Variants in RNASEH2B observed in about 807,000 individuals in gnomAD.
RNASEH2B encodes ribonuclease H2 subunit B, also known as Aicardi-Goutieres syndrome 2 protein.
A neutral mutation model predicts 45.0 loss-of-function variants in RNASEH2B; 36 were observed. The ratio of observed to expected loss-of-function variants is 0.80; its 90% CI spans 0.61 to 1.06. The LOEUF (loss-of-function observed/expected upper bound fraction) is 1.06. Among genes scored for constraint, RNASEH2B ranks in the 50% least tolerant of loss-of-function variants. The pLI is 0.00. For missense variants in RNASEH2B, 361 were observed against 360.3 expected (o/e 1.00, Z -0.02); for synonymous variants, 119 against 125.7 (o/e 0.95, Z 0.35).
downstream of RNASEH2B, among the ~76,000 whole-genome samples, chr13:50,957,535 T>C (rs926995493): frequency 1.3e-5 from 2 of 152,220 alleles, no homozygotes; most frequent in Admixed American, 6.5e-5. Context: ...ATATCTTTGC[T>C]ATTGTAAGGA....
intron 4 of RNASEH2B, 169 bp from the exon 5 acceptor site, chr13:50,934,716 G>A: frequency 3.1e-6 from 2 of 641,304 alleles, no homozygotes; most frequent in East Asian, 5.5e-5. Context: ...CCTGAAGGGA[G>A]CTGGGGTCCG....
chr13:50,939,828 C>T (rs2137970464), intron 5 of RNASEH2B, among the ~76,000 whole-genome samples: 1 of 152,170 alleles, frequency 6.6e-6, no homozygotes, highest in South Asian at 2.1e-4. Context: ...TAGAAGAAAG[C>T]ATAGGATAAA....
intron 10 of RNASEH2B, chr13:50,954,323 G>A: frequency 2.1e-6 from 1 of 487,614 alleles, no homozygotes; most frequent in South Asian, 3.6e-5. Context: ...AAATTATGAT[G>A]ATAAAAATTA....
intron 5 of RNASEH2B, chr13:50,941,643 G>A (rs1353040389): frequency 6.6e-6 from 1 of 152,128 alleles, no homozygotes; most frequent in African/African-American, 2.4e-5. Flanking sequence ...TTTATTTAGT[G>A]ATTGCTGTAT....
At chr13:50,934,841 T>C (rs555874041) in intron 4 of RNASEH2B, 44 bp from the exon 5 acceptor site, 2 of 1,324,168 alleles carry the variant, frequency 1.5e-6, no homozygotes, top group South Asian at 2.4e-5. Flanking sequence ...TCTGAATGTC[T>C]TTGTTGAATG....
chr13:50,916,623 A>G (rs1455762016), intron 1 of RNASEH2B, among the ~76,000 whole-genome samples: 1 of 152,240 alleles, frequency 6.6e-6, no homozygotes, highest in Admixed American at 6.5e-5. Context: ...CCAATGGCAA[A>G]CTAGGATGTT....
intron 9 of RNASEH2B, chr13:50,969,793 AAGCGAAAATGCTC>A: frequency 1.3e-6 from 1 of 747,250 alleles, no homozygotes; most frequent in African/African-American, 1.8e-5. Flanking sequence ...CATCTCTTAG[AAGCGAAAATGCTC>A]AGCTGCCCTC....
Position 50,956,459 on chromosome 13 carries a change from A to C in RNASEH2B, c.924A>C (p.Lys308Asn), listed in dbSNP as rs1952051548. 3.8e-6 allele frequency: 6 copies of C among 1,596,978 alleles called. No homozygotes were observed. The highest frequency in any genetic ancestry group is 4.3e-6 in the Non-Finnish European group (5 of 1,169,440). Residue 308 changes from lysine (K) to asparagine (N), a missense_variant, in exon 11 of 11, where the codon AAA becomes AAC. Coordinates refer to ENST00000336617, the MANE Select transcript of RNASEH2B (RefSeq NM_024570.4). ...TTTTTGGGGTAAAAAATAAAAAAAA[A>C]ATTGGAAAGGTTTGAAACTTTGAAA... The part of the protein sequence containing the change: ...DTFFGVKNKK[K>N]IGKV
At chr13:50,945,580 CT>C in intron 7 of RNASEH2B, 48 bp downstream of exon 7, 1 of 1,272,046 alleles carries the variant, frequency 7.9e-7, no homozygotes, top group Non-Finnish European at 1.2e-6. Context: ...GAGTAAGTTG[CT>C]TATGTGTAAA....
At chr13:50,925,131 G>T (rs1951575457) in intron 1 of RNASEH2B, among the ~76,000 whole-genome samples, 1 of 151,372 alleles carries the variant, frequency 6.6e-6, no homozygotes, top group Admixed American at 6.6e-5. Flanking sequence ...TTCTATTACT[G>T]TGTCTTCAAG....
chr13:50,945,506 G>C lies in RNASEH2B; in HGVS notation c.590G>C (p.Gly197Ala). Reference protein sequence around the residue: ...SRVQSTAFFSGDQASTDKEED... With the variant: ...SRVQSTAFFSADQASTDKEED... Reference sequence around the variant, plus strand: ...GTACAGTCAACTGCATTTTTCTCTGGTGACCAAGCTTCCACTGACAAGGAA... The same window carrying C: ...GTACAGTCAACTGCATTTTTCTCTGCTGACCAAGCTTCCACTGACAAGGAA... The change falls in exon 7 of 11, where the codon GGT becomes GCT. Residue 197 changes from glycine to alanine, a missense_variant. Transcript: ENST00000336617. The C allele has an allele frequency of 6.2e-7, 1 of 1,613,262 alleles. No homozygotes were observed. The highest frequency in any genetic ancestry group is 8.5e-7 in the Non-Finnish European group (1 of 1,179,296).
In RNASEH2B at chr13:50,930,707, C is replaced by G. The variant is rs770203126; in HGVS notation, c.269C>G (p.Pro90Arg). 8.7e-6 allele frequency: 14 copies of G among 1,613,832 alleles called. No individual in the cohort carries two copies. Among genetic ancestry groups the G allele is most frequent in the Non-Finnish European group, 1.2e-5 (14 of 1,179,716 alleles). Reference protein sequence around the residue: ...QSGGLLHFATPVDPLFLLLHY... With the variant: ...QSGGLLHFATRVDPLFLLLHY... ...GGAGGTCTTCTCCATTTTGCCACAC[C>G]TGTGGATCCTCTATTTCTGCTTCTC... Residue 90 changes from proline to arginine, a missense_variant, in exon 4 of 11, where the codon CCT becomes CGT. Pro to Arg is a moderately radical substitution (Grantham distance 103). Coordinates refer to ENST00000336617, the MANE Select transcript of RNASEH2B (RefSeq NM_024570.4).
intron 1 of RNASEH2B, among the ~76,000 whole-genome samples, chr13:50,914,194 G>T (rs1879597887): frequency 3.9e-5 from 6 of 152,130 alleles, no homozygotes; most frequent in Admixed American, 3.9e-4. Flanking sequence ...TGACTTTTCA[G>T]TGACACTAAA....
At chr13:50,910,241 G>A (rs1879281200) in intron 1 of RNASEH2B, 101 bp downstream of exon 1, 2 of 755,782 alleles carry the variant, frequency 2.6e-6, no homozygotes, top group African/African-American at 3.7e-5. Flanking sequence ...CCCACTACCC[G>A]GCCCGGCGCG....
chr13:50,951,248 A>G (rs1165067327), intron 9 of RNASEH2B: 1 of 152,216 alleles, frequency 6.6e-6, no homozygotes, highest in Non-Finnish European at 1.5e-5. Flanking sequence ...ACGATGTACC[A>G]TCGTTTAAAC....
At chr13:50,961,911 T>C (rs1446773325) in intron 9 of RNASEH2B, among the ~76,000 whole-genome samples, 2 of 152,172 alleles carry the variant, frequency 1.3e-5, no homozygotes, top group Non-Finnish European at 2.9e-5. Flanking sequence ...GTATTTATCA[T>C]ATGTGGATAT....
chr13:50,951,910 G>A (rs1175205382), intron 9 of RNASEH2B: 2 of 152,086 alleles, frequency 1.3e-5, no homozygotes, highest in African/African-American at 4.8e-5. Flanking sequence ...ACCTGAACAA[G>A]TCATTTCTCC....
intron 5 of RNASEH2B, chr13:50,937,308 A>G (rs1390707960): frequency 6.6e-6 from 1 of 152,092 alleles, no homozygotes; most frequent in African/African-American, 2.4e-5. Context: ...TGCAGCCTCA[A>G]TCTCTGGGGC....
intron 5 of RNASEH2B, chr13:50,935,801 T>A (rs1951744072): frequency 6.5e-6 from 1 of 152,816 alleles, no homozygotes; most frequent in Non-Finnish European, 1.5e-5. Flanking sequence ...AAGGGCCCTG[T>A]GTGTGTTTGG....
Sources: gnomAD v4.1 joint callset for allele counts (sites outside exome capture counted in the v4.1 genomes callset) on GRCh38, gnomAD v4.1.1 for gene constraint, MANE v1.5 for transcripts, NCBI Gene and HGNC (gene_info 2026-07-23, HGNC 2026-07-21) for gene names.